ANAPC1: variants seen among roughly 807,000 people sequenced by gnomAD.
ANAPC1 encodes the protein anaphase promoting complex subunit 1, also known as anaphase-promoting complex subunit 1.
ANAPC1 carries 36 observed loss-of-function variants against 208.0 expected under a neutral mutation model. The observed-to-expected ratio is 0.17, with a 90% confidence interval of 0.13 to 0.23. The LOEUF (loss-of-function observed/expected upper bound fraction) is 0.23. Ranked by LOEUF, ANAPC1 falls within the 10% of genes least tolerant of loss-of-function variation. The probability of loss-of-function intolerance (pLI) is 1.00; values close to 1 mark genes in which losing one functional copy is unlikely to be tolerated. For synonymous variants in ANAPC1, 378 were observed against 695.2 expected (o/e 0.54, Z 7.18); for missense variants, 942 against 2,011.6 (o/e 0.47, Z 10.17).
In ANAPC1 at chr2:111,856,424, G is replaced by A. The variant is rs533911902; in HGVS notation, c.1515+190C>T. ...GTACCAATGCATTTAACAGCAGTGA[G>A]CCATAGCCCTCCAAATTAGGACCCA... is the stretch of plus-strand genomic sequence containing the variant. On this transcript the variant is annotated intron_variant, in intron 13 of 47. Coordinates refer to ENST00000341068, the MANE Select transcript of ANAPC1 (RefSeq NM_022662.4). The A allele has an allele frequency of 6.0e-5, 36 of 603,246 alleles. No homozygotes were observed. The African/African-American group carries it at 6.2e-4, about 10-fold the overall frequency. 37.4% of individuals were successfully genotyped at this position (603,246 alleles called of 1,614,324 possible). A position where few individuals can be genotyped will look rare whatever the true frequency, so the allele number is the denominator to read the frequency against.
intron 13 of ANAPC1, among the ~76,000 whole-genome samples, chr2:111,851,196 A>G (rs973191291): frequency 3.3e-5 from 5 of 151,878 alleles, no homozygotes; most frequent in African/African-American, 1.2e-4. Flanking sequence ...TCAACCTACC[A>G]GGCTCAAGTG....
chr2:111,864,754 C>T (rs1682308950), intron 8 of ANAPC1, 52 bp downstream of exon 8: 6 of 1,606,478 alleles, frequency 3.7e-6, no homozygotes, highest in South Asian at 3.3e-5. Flanking sequence ...TGAGCCAGTG[C>T]ACCCAGCCTA....
Position 111,850,857 on chromosome 2 carries a change from G to T in ANAPC1, c.1569C>A (p.Asn523Lys), listed in dbSNP as rs745700093. The T allele has an allele frequency of 1.9e-6, 3 of 1,611,552 alleles. No homozygotes were observed. The highest frequency in any genetic ancestry group is 2.2e-5 in the South Asian group (2 of 90,830). Residue 523 changes from asparagine to lysine, a missense_variant, in exon 14 of 48, where the codon AAC (asparagine) becomes AAA (lysine). Asn to Lys is a moderately conservative substitution (Grantham distance 94). Coordinates refer to ENST00000341068, the MANE Select transcript of ANAPC1 (RefSeq NM_022662.4). Reference protein sequence around the residue: ...GLPAPSLTMSNTMPRPSTPLD... With the variant: ...GLPAPSLTMSKTMPRPSTPLD... ...GTGGAGTACTGGGCCGAGGCATTGT[G>T]TTGGACATCGTCAGAGAGGGAGCTG...
chr2:111,827,466 G>C (rs531847153), intron 21 of ANAPC1, among the ~76,000 whole-genome samples: 1 of 152,068 alleles, frequency 6.6e-6, no homozygotes, highest in African/African-American at 2.4e-5. Flanking sequence ...AATAGAAAAA[G>C]AGCCACCATA....
At chr2:111,851,591 G>A (rs1467732468) in intron 13 of ANAPC1, among the ~76,000 whole-genome samples, 1 of 151,750 alleles carries the variant, frequency 6.6e-6, no homozygotes, top group African/African-American at 2.4e-5. Context: ...CGGATCACAA[G>A]GTCAGGAGTT....
chr2:111,823,209 G>A (rs1679640530), intron 24 of ANAPC1, among the ~76,000 whole-genome samples: 1 of 151,346 alleles, frequency 6.6e-6, no homozygotes, highest in African/African-American at 2.4e-5. Context: ...AGTAGAGACA[G>A]GGTTTCACCG....
chr2:111,833,117 T>C, intron 20 of ANAPC1, 103 bp downstream of exon 20: 2 of 1,409,448 alleles, frequency 1.4e-6, no homozygotes, highest in Non-Finnish European at 1.9e-6. Flanking sequence ...GCCCCTGACT[T>C]AGAAGCTAAT....
At chr2:111,772,543 A>G (rs1676797792) in intron 46 of ANAPC1, 68 bp from the exon 47 acceptor site, 1 of 646,986 alleles carries the variant, frequency 1.5e-6, no homozygotes, top group African/African-American at 1.9e-5. Context: ...AATATCTTCT[A>G]TTACTTTTTC....
At chr2:111,794,579 A>G (rs980146385) in intron 35 of ANAPC1, among the ~76,000 whole-genome samples, 7 of 152,196 alleles carry the variant, frequency 4.6e-5, no homozygotes, top group Non-Finnish European at 1.0e-4. Context: ...AATTTCTTTA[A>G]TGGAAAGGAT....
Position 111,824,970 on chromosome 2 carries a change from A to T in ANAPC1, c.2808T>A (p.Asn936Lys). ...LAERLVVWMT[N>K]VGFTLRDLET... ...AGGTAACAAAGAAGCTCTCACCTAC[A>T]TTAGTCATCCAGACAACCAATCTTT... The change falls in exon 24 of 48, where the codon AAT (asparagine) becomes AAA (lysine). Residue 936 changes from asparagine to lysine, a missense_variant. Coordinates refer to ENST00000341068, the MANE Select transcript of ANAPC1 (RefSeq NM_022662.4). The T allele has an allele frequency of 6.2e-7, 1 of 1,613,978 alleles. No homozygotes were observed. The highest frequency in any genetic ancestry group is 8.5e-7 in the Non-Finnish European group (1 of 1,179,866).
At chr2:111,807,265 A>G (rs1199474282) in intron 29 of ANAPC1, among the ~76,000 whole-genome samples, 6 of 133,734 alleles carry the variant, frequency 4.5e-5, no homozygotes, top group African/African-American at 1.7e-4. Context: ...TAATGTTTAT[A>G]TATAACAACA....
chr2:111,845,495 G>A (rs534911974), intron 16 of ANAPC1, among the ~76,000 whole-genome samples: 23 of 152,320 alleles, frequency 1.5e-4, no homozygotes, highest in African/African-American at 5.3e-4. Flanking sequence ...AATGCTGCAT[G>A]AGTGTGTGAG....
intron 8 of ANAPC1, among the ~76,000 whole-genome samples, chr2:111,864,290 T>G (rs1327322809): frequency 1.3e-5 from 2 of 150,956 alleles, no homozygotes; most frequent in Admixed American, 6.6e-5. Context: ...TGTGCCATTA[T>G]ACTTCAGCCT....
chr2:111,859,398 G>C (rs529628877), intron 10 of ANAPC1, among the ~76,000 whole-genome samples: 1 of 152,164 alleles, frequency 6.6e-6, no homozygotes. Flanking sequence ...TTGAACCTGG[G>C]AGGCAGAGGT....
intron 14 of ANAPC1, among the ~76,000 whole-genome samples, chr2:111,850,056 TAAGGA>T (rs1251218881): frequency 6.6e-6 from 1 of 152,212 alleles, no homozygotes; most frequent in African/African-American, 2.4e-5. Flanking sequence ...AAAGCTATTC[TAAGGA>T]AATAATTAAT....
At chr2:111,826,670 T>A (rs868039689) in intron 21 of ANAPC1, among the ~76,000 whole-genome samples, 9,245 of 147,568 alleles carry the variant, frequency 0.063, 918 homozygotes, top group African/African-American at 0.21. Context: ...TATTTATTTT[T>A]TTTTTTTTTG....
In ANAPC1 at chr2:111,850,778, C is replaced by G; in HGVS notation, c.1648G>C (p.Glu550Gln). ...PLSKLLGSLD[E>Q]VVLLSPVPEL... is the part of the protein sequence containing the mutation. The stretch of plus-strand genomic sequence containing the variant: ...GCAACACCTAGTCCTTTTCTTACCT[C>G]GTCCAATGATCCAAGGAGTTTACTA... The change falls in exon 14 of 48, where the codon GAG becomes CAG. Residue 550 changes from glutamate (E) to glutamine (Q), a missense_variant and splice_region_variant. Transcript: ENST00000341068. 1 of 1,611,714 alleles carries G rather than the reference C, an allele frequency of 6.2e-7. No homozygotes were observed.
chr2:111,866,194 ACT>A (rs1261161308), intron 7 of ANAPC1: 2 of 260,326 alleles, frequency 7.7e-6, no homozygotes, highest in East Asian at 1.4e-4. Flanking sequence ...ACAGAGCGAG[ACT>A]CTGTCTCAAA....
intron 4 of ANAPC1, 56 bp from the exon 5 acceptor site, chr2:111,873,464 T>C: frequency 6.4e-7 from 1 of 1,574,212 alleles, no homozygotes; most frequent in Non-Finnish European, 8.6e-7. Context: ...AGGAGTTCAA[T>C]CCTAACAGCA....
Sources: gnomAD v4.1 joint callset for allele counts (sites outside exome capture counted in the v4.1 genomes callset) on GRCh38, gnomAD v4.1.1 for gene constraint, MANE v1.5 for transcripts, NCBI Gene and HGNC (gene_info 2026-07-23, HGNC 2026-07-21) for gene names.